The following MAP3K7CL variants were observed in gnomAD, a reference collection of about 807,000 sequenced individuals.
MAP3K7CL encodes the protein MAP3K7 C-terminal like.
MAP3K7CL carries 16 observed loss-of-function variants against 18.6 expected under a neutral mutation model. That is an observed-to-expected ratio of 0.86 (90% CI 0.58 to 1.31). The LOEUF is 1.31. MAP3K7CL is among the 50% of genes most tolerant of loss of function. The pLI is 0.00. For synonymous variants in MAP3K7CL, 65 were observed against 66.8 expected (o/e 0.97, Z 0.13); for missense variants, 163 against 174.4 (o/e 0.93, Z 0.37).
intron 2 of MAP3K7CL, among the ~76,000 whole-genome samples, chr21:29,144,289 C>G (rs1192769401): frequency 6.6e-6 from 1 of 151,960 alleles, no homozygotes; most frequent in African/African-American, 2.4e-5. Flanking sequence ...CTCAGCCTCC[C>G]GAGTAGCAGG....
At chr21:29,144,451 C>A (rs144699657) in intron 2 of MAP3K7CL, among the ~76,000 whole-genome samples, 38 of 152,350 alleles carry the variant, frequency 2.5e-4, no homozygotes, top group African/African-American at 9.1e-4. Context: ...AAGTATGAGT[C>A]ACTGTGCCCA....
intron 4 of MAP3K7CL, among the ~76,000 whole-genome samples, chr21:29,170,549 A>G (rs1484905466): frequency 2.0e-5 from 3 of 152,202 alleles, no homozygotes; most frequent in Non-Finnish European, 2.9e-5. Flanking sequence ...CATTTATATG[A>G]CACAAGTAAT....
At chr21:29,143,223 G>A (rs1173873532) in intron 2 of MAP3K7CL, among the ~76,000 whole-genome samples, 1 of 152,148 alleles carries the variant, frequency 6.6e-6, no homozygotes, top group Non-Finnish European at 1.5e-5. Flanking sequence ...GGCCCGTCTG[G>A]AGGGCGGGCT....
intron 4 of MAP3K7CL, among the ~76,000 whole-genome samples, chr21:29,167,560 A>T (rs1035825068): frequency 6.6e-6 from 1 of 151,996 alleles, no homozygotes; most frequent in Admixed American, 6.6e-5. Flanking sequence ...ATGTTTAACC[A>T]GAAGGATTTA....
At chr21:29,154,113 C>T (rs1407209118) in intron 3 of MAP3K7CL, among the ~76,000 whole-genome samples, 1 of 152,152 alleles carries the variant, frequency 6.6e-6, no homozygotes, top group African/African-American at 2.4e-5. Flanking sequence ...CTTTCCTCAA[C>T]TGCAAAGTGG....
chr21:29,125,701 C>CT (rs769780182), upstream of MAP3K7CL, among the ~76,000 whole-genome samples: 8 of 152,226 alleles, frequency 5.3e-5, no homozygotes, highest in Non-Finnish European at 1.0e-4. Flanking sequence ...TTGCATTGCC[C>CT]TACGAGAAGG....
At chr21:29,117,251 T>A (rs972140293) in intron 4 of MAP3K7CL, among the ~76,000 whole-genome samples, 2 of 152,236 alleles carry the variant, frequency 1.3e-5, no homozygotes, top group African/African-American at 4.8e-5. Flanking sequence ...ATTTGTGGAC[T>A]CTTCTAGGAA....
chr21:29,173,966 C>T (rs2087905257), intron 4 of MAP3K7CL, among the ~76,000 whole-genome samples: 1 of 152,160 alleles, frequency 6.6e-6, no homozygotes. Context: ...TCCCAAAATG[C>T]TGGGATTACA....
At chr21:29,108,405 C>G (rs1348257875) in intron 4 of MAP3K7CL, among the ~76,000 whole-genome samples, 1 of 152,132 alleles carries the variant, frequency 6.6e-6, no homozygotes, top group African/African-American at 2.4e-5. Flanking sequence ...GAAATAAATT[C>G]CTGTTGTTTA....
intron 4 of MAP3K7CL, among the ~76,000 whole-genome samples, chr21:29,165,467 C>G (rs1291556593): frequency 6.6e-6 from 1 of 152,290 alleles, no homozygotes; most frequent in East Asian, 1.9e-4. Context: ...AATGTATATT[C>G]TTTTATTCCT....
At chr21:29,131,595 C>T (rs1274658045) in intron 1 of MAP3K7CL, 1 of 152,132 alleles carries the variant, frequency 6.6e-6, no homozygotes, top group Admixed American at 6.6e-5. Flanking sequence ...TTTCATGTCA[C>T]TATTTCTTTC....
intron 2 of MAP3K7CL, chr21:29,091,613 C>T (rs1866452082): frequency 1.4e-6 from 1 of 700,616 alleles, no homozygotes; most frequent in East Asian, 2.7e-5. Flanking sequence ...GTAACTGGGA[C>T]CACAGGCGTG....
intron 2 of MAP3K7CL, among the ~76,000 whole-genome samples, chr21:29,141,397 C>T (rs990943483): frequency 1.3e-5 from 2 of 151,876 alleles, no homozygotes; most frequent in African/African-American, 4.8e-5. Context: ...CCTGTAGTCC[C>T]AGCTACTCAG....
intron 4 of MAP3K7CL, among the ~76,000 whole-genome samples, chr21:29,171,028 A>G (rs1386590175): frequency 6.6e-6 from 1 of 151,228 alleles, no homozygotes; most frequent in Non-Finnish European, 1.5e-5. Context: ...ATATTTAATT[A>G]TTGACATTTA....
intron 2 of MAP3K7CL, among the ~76,000 whole-genome samples, chr21:29,140,282 G>A (rs1259901376): frequency 1.3e-5 from 2 of 152,196 alleles, no homozygotes; most frequent in Non-Finnish European, 2.9e-5. Flanking sequence ...TGAAGAGTCT[G>A]AGATACTATG....
intron 4 of MAP3K7CL, among the ~76,000 whole-genome samples, chr21:29,114,189 C>T (rs965220479): frequency 6.6e-6 from 1 of 151,648 alleles, no homozygotes; most frequent in Non-Finnish European, 1.5e-5. Context: ...ATGTCTCAGC[C>T]TCCCAAGTAG....
chr21:29,105,905 T>A (rs2086313156), intron 4 of MAP3K7CL, among the ~76,000 whole-genome samples: 1 of 152,176 alleles, frequency 6.6e-6, no homozygotes, highest in African/African-American at 2.4e-5. Flanking sequence ...CTACTCCTTA[T>A]GAATTCTTTT....
In MAP3K7CL at chr21:29,125,395, A is replaced by G. The variant is rs147625775; in HGVS notation, c.371-23794A>G. On this transcript the variant is annotated intron_variant, in intron 4 of 6. Transcript: ENST00000286791. ...TTAAGGGAACCACAAAGCTAGTGAA[A>G]GAGAAACCATTGAGTGGTTCAGTGG... Among the ~76,000 whole-genome samples the G allele has an allele frequency of 3.4e-3, 511 of 152,318 alleles. 2 individuals are homozygous for G. Among genetic ancestry groups the G allele is most frequent in the Middle Eastern group, 6.8e-3 (2 of 294 alleles).
intron 4 of MAP3K7CL, among the ~76,000 whole-genome samples, chr21:29,167,993 C>T (rs150236721): frequency 3.0e-4 from 46 of 151,804 alleles, no homozygotes; most frequent in African/African-American, 9.4e-4. Flanking sequence ...CCACCACGCC[C>T]GGCAGAGAAG....
Sources: gnomAD v4.1 joint callset for allele counts (sites outside exome capture counted in the v4.1 genomes callset) on GRCh38, gnomAD v4.1.1 for gene constraint, MANE v1.5 for transcripts, NCBI Gene and HGNC (gene_info 2026-07-23, HGNC 2026-07-21) for gene names.